The following ATP8A2 variants were observed in gnomAD, a reference collection of about 807,000 sequenced individuals.
ATP8A2 encodes ATPase phospholipid transporting 8A2, also known as phospholipid-transporting ATPase IB.
A neutral mutation model predicts 165.6 loss-of-function variants in ATP8A2; 100 were observed. The observed-to-expected ratio is 0.60, with a 90% CI of 0.51 to 0.71. The LOEUF (loss-of-function observed/expected upper bound fraction) is 0.71, where lower values mean the gene tolerates loss of function less well. Ranked by LOEUF, ATP8A2 falls within the 30% of genes least tolerant of loss-of-function variation. The probability of loss-of-function intolerance (pLI) is 0.00; values close to 1 mark genes in which losing one functional copy is unlikely to be tolerated. For synonymous variants in ATP8A2, 543 were observed against 548.8 expected, an observed-to-expected ratio of 0.99 and a Z score of 0.15; for missense variants, 1,227 against 1,479.5, an observed-to-expected ratio of 0.83 and a Z score of 2.80.
intron 1 of ATP8A2, among the ~76,000 whole-genome samples, chr13:25,382,927 T>C (rs2032897961): frequency 6.6e-6 from 1 of 150,666 alleles, no homozygotes; most frequent in African/African-American, 2.5e-5. Flanking sequence ...AGCTAATTTT[T>C]TGTATTTTTA....
At chr13:25,600,123 G>C (rs971076872) in intron 24 of ATP8A2, among the ~76,000 whole-genome samples, 1 of 152,282 alleles carries the variant, frequency 6.6e-6, no homozygotes, top group South Asian at 2.1e-4. Context: ...GGCAGGGATT[G>C]GCAAAGTACA....
chr13:25,853,396 A>ATATATATAT (rs59573616), intron 30 of ATP8A2, among the ~76,000 whole-genome samples: 5,225 of 107,488 alleles, frequency 0.049, 203 homozygotes, highest in South Asian at 0.083. Flanking sequence ...ATCTAAAAAA[A>ATATATATAT]ATATATATAT....
chr13:25,430,166 T>C (rs1489377387), intron 1 of ATP8A2, among the ~76,000 whole-genome samples: 1 of 152,050 alleles, frequency 6.6e-6, no homozygotes, highest in African/African-American at 2.4e-5. Context: ...CAGCTATAAA[T>C]GTGGGCTCGG....
In ATP8A2 at chr13:26,021,609, C is replaced by T. The variant is rs1957082977; in HGVS notation, c.*1624C>T. ...GTGAGCACCTGGAGCCCTTACTAAACAACCTGCCTGGAGCCCTGTTCTCTG... is the reference window on the plus strand; with the variant it reads ...GTGAGCACCTGGAGCCCTTACTAAATAACCTGCCTGGAGCCCTGTTCTCTG... On this transcript the variant is annotated 3_prime_UTR_variant, in exon 37 of 37. Transcript: ENST00000381655. 1 of 152,188 alleles carries T rather than the reference C, an allele frequency of 6.6e-6. No individual in the cohort carries two copies. Among genetic ancestry groups the T allele is most frequent in the Non-Finnish European group, 1.5e-5 (1 of 68,046 alleles). The allele number at this position is 152,188 out of a possible 1,614,324, so 9.4% of individuals were successfully genotyped here.
intron 25 of ATP8A2, among the ~76,000 whole-genome samples, chr13:25,703,355 G>C (rs1464902331): frequency 6.6e-6 from 1 of 152,154 alleles, no homozygotes; most frequent in Non-Finnish European, 1.5e-5. Flanking sequence ...TGGGATTACA[G>C]GCATGAGCCA....
At chr13:25,480,536 G>A (rs527578472) in intron 2 of ATP8A2, among the ~76,000 whole-genome samples, 42 of 147,968 alleles carry the variant, frequency 2.8e-4, no homozygotes, top group Non-Finnish European at 2.7e-4. Context: ...GGGCAAAGGC[G>A]CTCCCCACAT....
chr13:25,979,830 C>G (rs1956141648), intron 35 of ATP8A2, among the ~76,000 whole-genome samples: 1 of 152,128 alleles, frequency 6.6e-6, no homozygotes, highest in Non-Finnish European at 1.5e-5. Flanking sequence ...CTGGAGCAGT[C>G]AGGGAAGCCT....
rs184139981 is a variant in ATP8A2, at chr13:25,776,371, T to G, written c.2679+1412T>G. On this transcript the variant is annotated intron_variant, in intron 27 of 36. Transcript: ENST00000381655. ...GTGGGAGGTGCCCTGTCTGCTTAAGTGTATTTCCCTAGGAAGAAAATACAC... is the reference window on the plus strand; with the variant it reads ...GTGGGAGGTGCCCTGTCTGCTTAAGGGTATTTCCCTAGGAAGAAAATACAC... Among the ~76,000 whole-genome samples, 298 of 152,368 alleles carry G rather than the reference T, an allele frequency of 2.0e-3. 1 individual carries two copies. The highest frequency in any genetic ancestry group is 3.4e-3 in the Admixed American group (52 of 15,304).
intron 2 of ATP8A2, among the ~76,000 whole-genome samples, chr13:25,481,172 G>T (rs528805978): frequency 1.4e-5 from 2 of 146,184 alleles, no homozygotes; most frequent in East Asian, 4.0e-4. Context: ...GAGACCGTGG[G>T]GAGAGGGAGA....
chr13:25,700,840 G>A (rs1334672071), intron 25 of ATP8A2, among the ~76,000 whole-genome samples: 1 of 152,178 alleles, frequency 6.6e-6, no homozygotes, highest in African/African-American at 2.4e-5. Flanking sequence ...GATTGTTTCA[G>A]TTCCTCCATA....
chr13:25,472,038 G>A (rs981650778), intron 2 of ATP8A2, among the ~76,000 whole-genome samples: 6 of 152,104 alleles, frequency 3.9e-5, no homozygotes, highest in African/African-American at 7.2e-5. Context: ...TATTTGGTTC[G>A]CCTTGACTCT....
At chr13:25,511,132 G>T (rs986377458) in intron 2 of ATP8A2, among the ~76,000 whole-genome samples, 3 of 152,256 alleles carry the variant, frequency 2.0e-5, no homozygotes, top group Admixed American at 1.3e-4. Flanking sequence ...GCAGATTTCA[G>T]TTAATTACCT....
intron 2 of ATP8A2, 58 bp downstream of exon 2, chr13:25,469,179 T>G: frequency 6.3e-7 from 1 of 1,587,298 alleles, no homozygotes; most frequent in East Asian, 2.3e-5. Flanking sequence ...GGGAAGGGGC[T>G]CGTCCTCCTG....
chr13:25,408,450 C>T (rs909553898), intron 1 of ATP8A2, among the ~76,000 whole-genome samples: 4 of 152,060 alleles, frequency 2.6e-5, no homozygotes. Flanking sequence ...TCTGGGTTCC[C>T]ACAGACAGGA....
intron 15 of ATP8A2, 99 bp downstream of exon 15, chr13:25,559,864 A>G (rs1356797707): frequency 1.0e-5 from 9 of 889,968 alleles, no homozygotes; most frequent in East Asian, 2.7e-5. Context: ...GCCTCACTCT[A>G]TTGCACAGGA....
rs189371096 is a variant in ATP8A2, at chr13:25,878,588, G to A, written c.3183+16180G>A. 1.2e-3 allele frequency among the ~76,000 whole-genome samples: 188 copies of A among 152,048 alleles called. 2 individuals are homozygous for A. Among genetic ancestry groups the A allele is most frequent in the Non-Finnish European group, 2.1e-3 (141 of 68,014 alleles). On this transcript the variant is annotated intron_variant, in intron 33 of 36. Transcript: ENST00000381655. ...TATTGCAACCTGTTTTATCAGCAAG[G>A]TCTTTATGACCTGTATTTTGTGCCA...
At chr13:25,772,755 T>A (rs1364351013) in intron 26 of ATP8A2, among the ~76,000 whole-genome samples, 65 of 151,348 alleles carry the variant, frequency 4.3e-4, no homozygotes, top group African/African-American at 9.7e-4. Context: ...TTTATTTATT[T>A]ATTTATTATT....
chr13:25,401,913 G>A (rs546573904), intron 1 of ATP8A2, among the ~76,000 whole-genome samples: 2 of 152,234 alleles, frequency 1.3e-5, no homozygotes, highest in Non-Finnish European at 2.9e-5. Flanking sequence ...CTGGAGTGCA[G>A]TGGCATGATC....
chr13:25,435,912 CGT>C (rs148040890), intron 1 of ATP8A2, among the ~76,000 whole-genome samples: 8,091 of 56,572 alleles, frequency 0.14, 630 homozygotes, highest in African/African-American at 0.27. Context: ...GAAAAAGCAT[CGT>C]GTGTGTGTGT....
Sources: allele counts gnomAD v4.1 joint callset (sites outside exome capture counted in the v4.1 genomes callset), GRCh38; gene constraint gnomAD v4.1.1; transcripts MANE v1.5; gene names NCBI Gene and HGNC (gene_info 2026-07-23, HGNC 2026-07-21).